The following ATP6V1C2 variants were observed in gnomAD, a reference collection of about 807,000 sequenced individuals.
ATP6V1C2 encodes the protein ATPase H+ transporting V1 subunit C2.
Under a neutral mutation model 56.8 loss-of-function variants are expected in ATP6V1C2, and 45 were observed. That is an observed-to-expected ratio of 0.79 (90% CI 0.62 to 1.02). The LOEUF is 1.02. Ranked by LOEUF, ATP6V1C2 falls within the 50% of genes least tolerant of loss-of-function variation. ATP6V1C2 has a pLI of 0.00. For synonymous variants in ATP6V1C2, 220 were observed against 201.3 expected (o/e 1.09, Z -0.79); for missense variants, 463 against 519.7 (o/e 0.89, Z 1.06).
intron 3 of ATP6V1C2, among the ~76,000 whole-genome samples, chr2:10,734,603 G>T (rs557697775): frequency 6.6e-6 from 1 of 152,030 alleles, no homozygotes; most frequent in African/African-American, 2.4e-5. Flanking sequence ...CCAGAGAGAA[G>T]ATCCTAGAAA....
At chr2:10,737,860 T>C (rs1161416534) in intron 3 of ATP6V1C2, among the ~76,000 whole-genome samples, 3 of 152,040 alleles carry the variant, frequency 2.0e-5, no homozygotes, top group African/African-American at 7.2e-5. Flanking sequence ...GGCCCAGCTA[T>C]TTTTTATATT....
At chr2:10,753,899 T>C (rs569017907) in intron 3 of ATP6V1C2, 82 bp from the exon 4 acceptor site, 2 of 1,291,394 alleles carry the variant, frequency 1.5e-6, no homozygotes, top group African/African-American at 3.0e-5. Flanking sequence ...TGTCACCAGC[T>C]ACTTTTCCTG....
At chr2:10,732,351 C>T (rs573771368) in intron 3 of ATP6V1C2, among the ~76,000 whole-genome samples, 6 of 152,156 alleles carry the variant, frequency 3.9e-5, no homozygotes, top group South Asian at 4.2e-4. Flanking sequence ...CTCCGCCTCC[C>T]GGGTTCAAGT....
chr2:10,729,433 A>G (rs1661837695), intron 3 of ATP6V1C2, among the ~76,000 whole-genome samples: 1 of 152,162 alleles, frequency 6.6e-6, no homozygotes, highest in African/African-American at 2.4e-5. Flanking sequence ...AGATCATAGA[A>G]TAGCATGAAA....
At position 10,780,067 on chromosome 2, in the gene ATP6V1C2, C is replaced by T. The variant is rs1665256467; in HGVS notation, c.1061+1398C>T. On this transcript the variant is annotated intron_variant, in intron 12 of 13. Transcript: ENST00000272238. This position sits in a 1 kb window ranked among gnomAD's most constrained non-coding sequence, Gnocchi z 4.1. ...GCCTGCACTGAGGAGCTCCTCATCC[C>T]TCCCTGCCGTCCCCCTGGCTGATGT... is the stretch of plus-strand genomic sequence containing the variant. 2.0e-5 allele frequency among the ~76,000 whole-genome samples: 3 copies of T among 152,124 alleles called. No individual in the cohort carries two copies. Among genetic ancestry groups the T allele is most frequent in the Admixed American group, 6.5e-5 (1 of 15,278 alleles).
intron 2 of ATP6V1C2, among the ~76,000 whole-genome samples, chr2:10,725,046 C>A (rs779215303): frequency 6.6e-6 from 1 of 152,000 alleles, no homozygotes; most frequent in African/African-American, 2.4e-5. Context: ...CACATGATAG[C>A]AACCCTTTTC....
rs2148518095 is a variant in ATP6V1C2 at position 10,780,492 on chromosome 2, C to T, written c.1062-1751C>T. ...ACATGCACCGCACCCACACCTGTAC[C>T]CATGCGCACCTGTGCACGCCCATCT... On this transcript the variant is annotated intron_variant, in intron 12 of 13. Coordinates refer to ENST00000272238, the MANE Select transcript of ATP6V1C2 (RefSeq NM_001039362.2). The surrounding 1 kb of genome is among the most constrained non-coding windows in gnomAD (Gnocchi z 4.1). Among the ~76,000 whole-genome samples the T allele has an allele frequency of 6.6e-6, 1 of 152,318 alleles. No individual in the cohort carries two copies. The highest frequency in any genetic ancestry group is 2.1e-4 in the South Asian group (1 of 4,834).
At chr2:10,772,790 T>C (rs1467768993) in intron 8 of ATP6V1C2, among the ~76,000 whole-genome samples, 180 bp downstream of exon 8, 2 of 152,070 alleles carry the variant, frequency 1.3e-5, no homozygotes, top group Admixed American at 6.5e-5. Flanking sequence ...CATGCCAGAG[T>C]GCCTTCCTCT....
chr2:10,745,059 T>TC (rs1462773471), intron 3 of ATP6V1C2, among the ~76,000 whole-genome samples: 260 of 143,016 alleles, frequency 1.8e-3, no homozygotes, highest in Non-Finnish European at 3.1e-3. Flanking sequence ...TTTTTTTTTT[T>TC]CTGAGACGGA....
At position 10,754,041 on chromosome 2, in the gene ATP6V1C2, C is replaced by T; in HGVS notation, c.258C>T (p.Val86=). 1.2e-6 allele frequency: 2 copies of T among 1,606,228 alleles called. No homozygotes were observed. Among genetic ancestry groups the T allele is most frequent in the Non-Finnish European group, 1.7e-6 (2 of 1,175,614 alleles). Reference sequence around the variant, plus strand: ...TCATGGAGGACTCAAAGGGGAAGGTCCAGGAGCACCTCCTGGCAAACGGAG... The same window carrying T: ...TCATGGAGGACTCAAAGGGGAAGGTTCAGGAGCACCTCCTGGCAAACGGAG... ...VEVMEDSKGK[V]QEHLLANGVD... The change falls in exon 4 of 14, where the codon GTC becomes GTT. Residue 86 remains valine, a synonymous_variant. Transcript: ENST00000272238.
At chr2:10,760,888 C>A (rs1299332904) in intron 4 of ATP6V1C2, among the ~76,000 whole-genome samples, 1 of 152,218 alleles carries the variant, frequency 6.6e-6, no homozygotes, top group South Asian at 2.1e-4. Context: ...TGTATCTCTT[C>A]CAAGCCACGT....
rs772956897 is a variant in ATP6V1C2 at position 10,780,851 on chromosome 2, C to A, written c.1062-1392C>A. On this transcript the variant is annotated intron_variant, in intron 12 of 13. Coordinates refer to ENST00000272238, the MANE Select transcript of ATP6V1C2 (RefSeq NM_001039362.2). The surrounding 1 kb of genome is among the most constrained non-coding windows in gnomAD (Gnocchi z 4.1). ...CTCCACCTCCCAGGTTCAAGCAATT[C>A]TCCTGCCTCAGCCTCCCCTAGTAGC... 1.3e-5 allele frequency among the ~76,000 whole-genome samples: 2 copies of A among 151,748 alleles called. No individual in the cohort carries two copies. The highest frequency in any genetic ancestry group is 2.9e-5 in the Non-Finnish European group (2 of 67,976).
intron 5 of ATP6V1C2, among the ~76,000 whole-genome samples, chr2:10,765,561 G>A (rs563695365): frequency 9.8e-5 from 15 of 152,332 alleles, no homozygotes; most frequent in African/African-American, 3.4e-4. Flanking sequence ...AGTAGGGTGG[G>A]GCCAGAAAGC....
Position 10,754,363 on chromosome 2 carries a change from C to T in ATP6V1C2, c.283+297C>T, listed in dbSNP as rs569182464. Among the ~76,000 whole-genome samples the T allele has an allele frequency of 4.6e-5, 7 of 151,962 alleles. No homozygotes were observed. In the South Asian group the frequency reaches 1.5e-3, roughly 32 times the overall value. On this transcript the variant is annotated intron_variant, in intron 4 of 13. Coordinates refer to ENST00000272238, the MANE Select transcript of ATP6V1C2 (RefSeq NM_001039362.2). Reference sequence around the variant, plus strand: ...GTCTCAGCCTCCTGAGTAGCTGGGACTACAGGCACCCACCGCCACGCCTGG... The same window carrying T: ...GTCTCAGCCTCCTGAGTAGCTGGGATTACAGGCACCCACCGCCACGCCTGG...
Position 10,763,010 on chromosome 2 carries a change from C to T in ATP6V1C2, c.284-1321C>T, listed in dbSNP as rs1183045859. Among the ~76,000 whole-genome samples the T allele has an allele frequency of 1.3e-5, 2 of 152,120 alleles. No individual in the cohort carries two copies. The highest frequency in any genetic ancestry group is 4.8e-5 in the African/African-American group (2 of 41,428). ...GGTCAGCTGGAGTCTTGTTTGGTGA[C>T]CCCACTGGGCGCTGCTGTTGGGGTT... On this transcript the variant is annotated intron_variant, in intron 4 of 13. Transcript: ENST00000272238. The surrounding 1 kb of genome is among the most constrained non-coding windows in gnomAD (Gnocchi z 4.2).
At chr2:10,755,581 T>C (rs1663503713) in intron 4 of ATP6V1C2, among the ~76,000 whole-genome samples, 1 of 152,160 alleles carries the variant, frequency 6.6e-6, no homozygotes, top group South Asian at 2.1e-4. Flanking sequence ...AACCAGCTGG[T>C]GAACTCCTCA....
At chr2:10,758,210 A>C (rs1558408014) in intron 4 of ATP6V1C2, among the ~76,000 whole-genome samples, 1 of 152,232 alleles carries the variant, frequency 6.6e-6, no homozygotes, top group Non-Finnish European at 1.5e-5. Flanking sequence ...TTTTCTACAT[A>C]AACAACAGAG....
intron 8 of ATP6V1C2, among the ~76,000 whole-genome samples, chr2:10,773,189 G>A (rs955577172): frequency 6.6e-6 from 1 of 152,196 alleles, no homozygotes; most frequent in Non-Finnish European, 1.5e-5. Context: ...GGAGCAGAGG[G>A]TCTGAAATGG....
chr2:10,724,800 GT>G (rs1042976003), intron 2 of ATP6V1C2, among the ~76,000 whole-genome samples: 6 of 151,748 alleles, frequency 4.0e-5, no homozygotes, highest in African/African-American at 1.2e-4. Flanking sequence ...AGCCTCCCCA[GT>G]AGCTGGGATT....
Sources: gnomAD v4.1 joint callset for allele counts (sites outside exome capture counted in the v4.1 genomes callset) on GRCh38, gnomAD v4.1.1 for gene constraint, Gnocchi (gnomAD v3.1) non-coding constraint, MANE v1.5 for transcripts, NCBI Gene and HGNC (gene_info 2026-07-23, HGNC 2026-07-21) for gene names.